DZIP3: variants seen among roughly 807,000 people sequenced by gnomAD.
DZIP3 encodes DAZ interacting zinc finger protein 3, also known as E3 ubiquitin-protein ligase DZIP3.
In DZIP3, 118 loss-of-function variants were observed where a neutral mutation model predicts 162.0. The observed-to-expected ratio is 0.73, with a 90% CI of 0.63 to 0.85. DZIP3 has a LOEUF of 0.85. Ranked by LOEUF, DZIP3 falls within the 40% of genes least tolerant of loss-of-function variation. The pLI is 0.00. For missense variants in DZIP3, 1,331 were observed against 1,407.0 expected (o/e 0.95, Z 0.86); for synonymous variants, 438 against 458.6 (o/e 0.96, Z 0.57).
chr3:108,654,461 T>A, intron 19 of DZIP3, 151 bp downstream of exon 19: 1 of 811,612 alleles, frequency 1.2e-6, no homozygotes, highest in South Asian at 1.7e-5. Context: ...GAGGGATATA[T>A]GAAGGAAAAT....
intron 12 of DZIP3, among the ~76,000 whole-genome samples, chr3:108,641,739 G>A (rs1942410107): frequency 6.6e-6 from 1 of 152,080 alleles, no homozygotes. Context: ...AATGTAATGT[G>A]CAACTAACAG....
chr3:108,613,115 C>T (rs2107516394), intron 4 of DZIP3, among the ~76,000 whole-genome samples: 1 of 152,056 alleles, frequency 6.6e-6, no homozygotes, highest in African/African-American at 2.4e-5. Context: ...ATAAGTAAAA[C>T]TTTCTAAAAC....
At chr3:108,612,597 C>T (rs1055176845) in intron 4 of DZIP3, among the ~76,000 whole-genome samples, 1 of 152,188 alleles carries the variant, frequency 6.6e-6, no homozygotes, top group African/African-American at 2.4e-5. Flanking sequence ...TCCAAGGATG[C>T]CCAAGTCTCT....
intron 8 of DZIP3, 116 bp downstream of exon 8, chr3:108,629,292 C>G: frequency 1.5e-6 from 1 of 679,706 alleles, no homozygotes; most frequent in Non-Finnish European, 2.4e-6. Flanking sequence ...ATACAAGAAA[C>G]AACCTTTATT....
intron 19 of DZIP3, among the ~76,000 whole-genome samples, chr3:108,661,323 A>C (rs138323129): frequency 0.014 from 2,090 of 152,298 alleles, 63 homozygotes; most frequent in African/African-American, 0.047. Context: ...TGATGAGTTC[A>C]TGTCCTTTTT....
At chr3:108,593,583 G>A (rs1939542662) in intron 1 of DZIP3, among the ~76,000 whole-genome samples, 1 of 151,418 alleles carries the variant, frequency 6.6e-6, no homozygotes, top group African/African-American at 2.4e-5. Context: ...TCTGATCCTT[G>A]TAGGCTGTAC....
In DZIP3 at chr3:108,669,728, A is replaced by C. The variant is rs573452194; in HGVS notation, c.2471A>C (p.Lys824Thr). 2.7e-5 allele frequency: 43 copies of C among 1,611,276 alleles called. No individual in the cohort carries two copies. In the East Asian group the frequency reaches 9.2e-4, roughly 34 times the overall value. ...AAAGATAATGAAATCAAGAACCTTA[A>C]AGAGCAACTTTCTATGAAAAGGTAC... ...HAKDNEIKNLKEQLSMKRSQW... is the reference protein window; with the variant it reads ...HAKDNEIKNLTEQLSMKRSQW... The change falls in exon 22 of 33, where the codon AAA becomes ACA. Residue 824 changes from lysine to threonine, a missense_variant. Around this residue, in one of 2 missense-constraint regions of DZIP3, gnomAD observed 1,278 missense variants for 1,317.1 expected, o/e 0.97. Coordinates refer to ENST00000361582, the MANE Select transcript of DZIP3 (RefSeq NM_014648.4).
At chr3:108,628,099 G>A (rs1176204011) in intron 7 of DZIP3, among the ~76,000 whole-genome samples, 3 of 151,996 alleles carry the variant, frequency 2.0e-5, no homozygotes, top group Non-Finnish European at 2.9e-5. Context: ...GGATGGTCCC[G>A]ATCTCCTGAT....
intron 12 of DZIP3, 75 bp downstream of exon 12, chr3:108,637,623 GT>G: frequency 7.8e-7 from 1 of 1,275,030 alleles, no homozygotes; most frequent in Non-Finnish European, 1.1e-6. Context: ...ATTCTTCTGT[GT>G]TTCTGTCACC....
chr3:108,658,040 G>A (rs1576429731), intron 19 of DZIP3, among the ~76,000 whole-genome samples: 1 of 110,318 alleles, frequency 9.1e-6, no homozygotes, highest in African/African-American at 2.7e-5. Flanking sequence ...CAATAATCAT[G>A]GGAGACTTTA....
chr3:108,683,982 T>C (rs1037818191), intron 26 of DZIP3, among the ~76,000 whole-genome samples: 1 of 152,204 alleles, frequency 6.6e-6, no homozygotes, highest in African/African-American at 2.4e-5. Context: ...CTAGAAGCTA[T>C]TTCTTTTCTG....
At chr3:108,610,514 A>G (rs1274937660) in intron 3 of DZIP3, among the ~76,000 whole-genome samples, 1 of 152,202 alleles carries the variant, frequency 6.6e-6, no homozygotes, top group Non-Finnish European at 1.5e-5. Context: ...TCAGCATCTC[A>G]AGCTCTATGG....
chr3:108,605,189 T>C, intron 1 of DZIP3, 146 bp from the exon 2 acceptor site: 3 of 585,300 alleles, frequency 5.1e-6, no homozygotes, highest in Non-Finnish European at 8.8e-6. Flanking sequence ...GGATGAGTAG[T>C]GATTATGTTT....
At chr3:108,680,474 A>G (rs767293885) in intron 26 of DZIP3, among the ~76,000 whole-genome samples, 2 of 152,146 alleles carry the variant, frequency 1.3e-5, no homozygotes, top group Non-Finnish European at 2.9e-5. Context: ...ACAAGAATCA[A>G]TAGCATTTCT....
At chr3:108,611,127 T>A (rs778960784) in intron 3 of DZIP3, 47 bp from the exon 4 acceptor site, 1 of 1,500,542 alleles carries the variant, frequency 6.7e-7, no homozygotes, top group South Asian at 1.3e-5. Context: ...TAAGAGTGAA[T>A]GAGAATATGC....
At chr3:108,664,031 G>A (rs1943564480) in intron 21 of DZIP3, among the ~76,000 whole-genome samples, 1 of 152,176 alleles carries the variant, frequency 6.6e-6, no homozygotes, top group Admixed American at 6.5e-5. Flanking sequence ...TGAAACTTAA[G>A]CACCCTGGAT....
At chr3:108,682,724 G>A (rs1944365377) in intron 26 of DZIP3, among the ~76,000 whole-genome samples, 1 of 150,572 alleles carries the variant, frequency 6.6e-6, no homozygotes, top group South Asian at 2.1e-4. Context: ...TAACAGTAAG[G>A]TATTATATAT....
At chr3:108,665,967 A>C (rs1435778548) in intron 21 of DZIP3, among the ~76,000 whole-genome samples, 1 of 152,166 alleles carries the variant, frequency 6.6e-6, no homozygotes, top group African/African-American at 2.4e-5. Flanking sequence ...GGCTATAGGA[A>C]GGTCTCTAAA....
rs1384450279 is a variant in DZIP3 at position 108,694,361 on chromosome 3, G to C, written c.*1008G>C. 2 of 153,414 alleles carry C rather than the reference G, an allele frequency of 1.3e-5. No individual in the cohort carries two copies. The highest frequency in any genetic ancestry group is 2.9e-5 in the Non-Finnish European group (2 of 69,078). 9.5% of individuals were successfully genotyped at this position (153,414 alleles called of 1,614,324 possible). On this transcript the variant is annotated 3_prime_UTR_variant, in exon 33 of 33. Transcript: ENST00000361582. ...ATAGAGCCTTTAATCACCTTGTCTA[G>C]CACCTTGTATTAGTCCATTTTCATG...
Sources: allele counts gnomAD v4.1 joint callset (sites outside exome capture counted in the v4.1 genomes callset), GRCh38; gene constraint gnomAD v4.1.1; regional missense constraint gnomAD v4.1.1; transcripts MANE v1.5; gene names NCBI Gene and HGNC (gene_info 2026-07-23, HGNC 2026-07-21).